The following RERE variants were observed in gnomAD, a reference collection of about 807,000 sequenced individuals.
RERE encodes the protein arginine-glutamic acid dipeptide repeats.
Under a neutral mutation model 146.1 loss-of-function variants are expected in RERE, and 40 were observed. The ratio of observed to expected loss-of-function variants is 0.27; its 90% CI spans 0.21 to 0.36. The LOEUF (loss-of-function observed/expected upper bound fraction) is 0.36. Among genes scored for constraint, RERE ranks in the 10% least tolerant of loss-of-function variants. The pLI, the probability that RERE is intolerant of heterozygous loss-of-function variation, is 1.00. For synonymous variants in RERE, 1,003 were observed against 866.0 expected (o/e 1.16, Z -2.78); for missense variants, 1,933 against 2,138.7 (o/e 0.90, Z 1.90).
intron 1 of RERE, among the ~76,000 whole-genome samples, chr1:8,770,515 T>A (rs551009748): frequency 3.3e-5 from 5 of 152,214 alleles, no homozygotes; most frequent in Non-Finnish European, 5.9e-5. Context: ...AGTCTACTTA[T>A]AGCCCTACTA....
At chr1:8,759,066 A>G (rs966931267) in intron 1 of RERE, among the ~76,000 whole-genome samples, 6 of 152,208 alleles carry the variant, frequency 3.9e-5, no homozygotes, top group Non-Finnish European at 5.9e-5. Flanking sequence ...GCTTAAGCCC[A>G]GGAGTTGGAG....
intron 4 of RERE, among the ~76,000 whole-genome samples, chr1:8,564,379 T>G (rs1207270365): frequency 6.6e-6 from 1 of 152,150 alleles, no homozygotes; most frequent in Non-Finnish European, 1.5e-5. Context: ...CATATAAACC[T>G]CATACACATA....
At chr1:8,666,649 C>T (rs1445870349) in intron 1 of RERE, among the ~76,000 whole-genome samples, 1 of 152,216 alleles carries the variant, frequency 6.6e-6, no homozygotes, top group African/African-American at 2.4e-5. Context: ...TTCTCATAAA[C>T]AGTAACCTGA....
At chr1:8,772,345 A>T (rs1172618140) in intron 1 of RERE, among the ~76,000 whole-genome samples, 1 of 152,204 alleles carries the variant, frequency 6.6e-6, no homozygotes, top group African/African-American at 2.4e-5. Context: ...TTGAAGCATC[A>T]TTCTAAGTAA....
chr1:8,496,502 AAAAAAAAAGAAAAAAAG>A lies in RERE; in HGVS notation c.1004+886_1004+902del, dbSNP rs540437844. 5.9e-3 allele frequency among the ~76,000 whole-genome samples: 891 copies of A among 150,716 alleles called. 12 individuals carry two copies. Among genetic ancestry groups the A allele is most frequent in the Non-Finnish European group, 0.01 (696 of 67,538 alleles). ...AAAAAAACAAAACAAGTAACAACCAAAAAAAAAAGAAAAAAAGAAAAAAAAGAAACCCACAAACCCAT... is the reference window on the plus strand; with the variant it reads ...AAAAAAACAAAACAAGTAACAACCAAAAAAAAAAGAAACCCACAAACCCAT... On this transcript the variant is annotated intron_variant, in intron 9 of 22. Coordinates refer to ENST00000400908, the MANE Select transcript of RERE (RefSeq NM_001042681.2).
intron 2 of RERE, among the ~76,000 whole-genome samples, chr1:8,625,945 C>A (rs1646968935): frequency 6.6e-6 from 1 of 152,218 alleles, no homozygotes; most frequent in African/African-American, 2.4e-5. Flanking sequence ...GATTTCTCTA[C>A]TCAAAGATGG....
At chr1:8,643,755 A>T (rs1265546831) in intron 2 of RERE, among the ~76,000 whole-genome samples, 1 of 152,186 alleles carries the variant, frequency 6.6e-6, no homozygotes, top group Non-Finnish European at 1.5e-5. Context: ...GCATAATGTT[A>T]GCGTGTGCCT....
intron 10 of RERE, among the ~76,000 whole-genome samples, chr1:8,484,552 T>C (rs896052080): frequency 2.0e-5 from 3 of 151,924 alleles, no homozygotes; most frequent in African/African-American, 4.8e-5. Flanking sequence ...GCCTCCCAAG[T>C]AGCTGGGATT....
intron 1 of RERE, among the ~76,000 whole-genome samples, chr1:8,715,401 C>A (rs1351494085): frequency 2.6e-5 from 4 of 151,650 alleles, no homozygotes; most frequent in Non-Finnish European, 5.9e-5. Flanking sequence ...ATCCGTGCTA[C>A]TGGGGAGGCT....
At chr1:8,540,756 A>G (rs191700449) in intron 7 of RERE, among the ~76,000 whole-genome samples, 34 of 152,334 alleles carry the variant, frequency 2.2e-4, no homozygotes, top group Admixed American at 4.6e-4. Context: ...TACTAAAGAT[A>G]TTTCAGTGTG....
intron 1 of RERE, among the ~76,000 whole-genome samples, chr1:8,677,556 T>C (rs1638872382): frequency 6.6e-6 from 1 of 152,142 alleles, no homozygotes; most frequent in Non-Finnish European, 1.5e-5. Flanking sequence ...GTTAGCGTTC[T>C]AACATAAGAA....
At chr1:8,581,053 T>C (rs1028295729) in intron 4 of RERE, among the ~76,000 whole-genome samples, 17 of 152,174 alleles carry the variant, frequency 1.1e-4, no homozygotes, top group African/African-American at 3.6e-4. Context: ...CATATTTAAC[T>C]TTTTAAGAAA....
At chr1:8,679,796 T>A (rs911684041) in intron 1 of RERE, among the ~76,000 whole-genome samples, 1 of 152,240 alleles carries the variant, frequency 6.6e-6, no homozygotes, top group African/African-American at 2.4e-5. Flanking sequence ...TAGGAGCACA[T>A]GTTTTCAATC....
chr1:8,510,965 G>T (rs1645327654), intron 7 of RERE, among the ~76,000 whole-genome samples: 1 of 151,896 alleles, frequency 6.6e-6, no homozygotes, highest in East Asian at 1.9e-4. Context: ...ATGTTGCCCG[G>T]TCTGTTCTCA....
chr1:8,570,286 T>C (rs1176226819), intron 4 of RERE, among the ~76,000 whole-genome samples: 1 of 151,506 alleles, frequency 6.6e-6, no homozygotes, highest in Non-Finnish European at 1.5e-5. Context: ...AAAGTGAAAT[T>C]GCGCCACTGC....
Position 8,774,800 on chromosome 1 carries a change from C to A in RERE, c.-145+42360G>T, listed in dbSNP as rs181047803. 2.6e-3 allele frequency among the ~76,000 whole-genome samples: 392 copies of A among 152,102 alleles called. 3 individuals carry two copies. The highest frequency in any genetic ancestry group is 8.9e-3 in the African/African-American group (369 of 41,482). On this transcript the variant is annotated intron_variant, in intron 1 of 22. Coordinates refer to ENST00000400908, the MANE Select transcript of RERE (RefSeq NM_001042681.2). ...AGGACATAAACATAACAAACATGAA[C>A]GTGCTCATTCATTGGTGGGTATTTT...
chr1:8,387,662 C>T (rs2120461), intron 12 of RERE, among the ~76,000 whole-genome samples: 103,962 of 152,000 alleles, frequency 0.68, 35,951 homozygotes, highest in East Asian at 0.91. Flanking sequence ...AAAGAGGAAA[C>T]ACAAATAGCC....
At chr1:8,797,706 A>G (rs752164386) in intron 1 of RERE, among the ~76,000 whole-genome samples, 6 of 152,232 alleles carry the variant, frequency 3.9e-5, no homozygotes, top group Non-Finnish European at 8.8e-5. Flanking sequence ...ATCAGTTTCA[A>G]CTGTAAGTTA....
In RERE at chr1:8,497,422, C is replaced by T. The variant is rs1645059949; in HGVS notation, c.987G>A (p.Met329Ile). The change falls in exon 9 of 23, where the codon ATG becomes ATA. Residue 329 changes from methionine to isoleucine, a missense_variant. Around this residue, in one of 11 missense-constraint regions of RERE, gnomAD observed 260 missense variants for 378.4 expected, o/e 0.69. Transcript: ENST00000400908. ...CCTATTACCTTGCTGCCCTCAAGTA[C>T]ATAAGGAGGTCACAGTCGTTAACTC... Reference protein sequence around the residue: ...MPGVNDCDLLMYLRAARSMAA... With the variant: ...MPGVNDCDLLIYLRAARSMAA... 1 of 1,613,970 alleles carries T rather than the reference C, an allele frequency of 6.2e-7. No individual in the cohort carries two copies. Among genetic ancestry groups the T allele is most frequent in the African/African-American group, 1.3e-5 (1 of 74,894 alleles).
Sources: allele counts gnomAD v4.1 joint callset (sites outside exome capture counted in the v4.1 genomes callset), GRCh38; gene constraint gnomAD v4.1.1; regional missense constraint gnomAD v4.1.1; transcripts MANE v1.5; gene names NCBI Gene and HGNC (gene_info 2026-07-23, HGNC 2026-07-21).